INO80: variants seen among roughly 807,000 people sequenced by gnomAD.
INO80 encodes the protein chromatin-remodeling ATPase INO80.
In INO80, 20 loss-of-function variants were observed where a neutral mutation model predicts 203.4. That is an observed-to-expected ratio of 0.10 (90% CI 0.07 to 0.14). The LOEUF is 0.14. Among genes scored for constraint, INO80 ranks in the 10% least tolerant of loss-of-function variants. The probability of loss-of-function intolerance (pLI) is 1.00; values close to 1 mark genes in which losing one functional copy is unlikely to be tolerated. For missense variants in INO80, 1,419 were observed against 1,914.4 expected (o/e 0.74, Z 4.83); for synonymous variants, 726 against 685.2 (o/e 1.06, Z -0.93).
At chr15:41,095,077 G>A (rs1021691326) in intron 4 of INO80, among the ~76,000 whole-genome samples, 5 of 151,232 alleles carry the variant, frequency 3.3e-5, no homozygotes, top group Non-Finnish European at 7.4e-5. Flanking sequence ...GGTGGCTCAC[G>A]CCTATAATCC....
intron 1 of INO80, among the ~76,000 whole-genome samples, chr15:41,098,861 G>T (rs1406888891): frequency 6.6e-6 from 1 of 151,808 alleles, no homozygotes; most frequent in Non-Finnish European, 1.5e-5. Context: ...TACCAACAAA[G>T]ATGTATGACT....
At chr15:41,000,555 T>G (rs1398144939) in intron 28 of INO80, among the ~76,000 whole-genome samples, 1 of 149,356 alleles carries the variant, frequency 6.7e-6, no homozygotes, top group Non-Finnish European at 1.5e-5. Flanking sequence ...ATTAGCTGGG[T>G]GTGGTGGTAC....
intron 24 of INO80, among the ~76,000 whole-genome samples, chr15:41,042,618 C>T (rs574961788): frequency 3.3e-5 from 5 of 151,454 alleles, no homozygotes; most frequent in Non-Finnish European, 5.9e-5. Context: ...GGATTACAGG[C>T]GTGTGCCACC....
At chr15:41,086,607 C>T (rs1183476659) in intron 6 of INO80, among the ~76,000 whole-genome samples, 3 of 150,602 alleles carry the variant, frequency 2.0e-5, no homozygotes, top group African/African-American at 4.9e-5. Flanking sequence ...GCTGAGATCA[C>T]GCCACTGCAC....
rs1478515945 is a variant in INO80, at chr15:41,066,304, G to A, written c.1782+3266C>T. 3.3e-5 allele frequency among the ~76,000 whole-genome samples: 5 copies of A among 151,788 alleles called. No individual in the cohort carries two copies. The East Asian group carries it at 5.8e-4, about 18-fold the overall frequency. On this transcript the variant is annotated intron_variant, in intron 14 of 35. Transcript: ENST00000648947. The stretch of plus-strand genomic sequence containing the variant: ...ATTTTTTTATAAGCTTGGTCTGCAG[G>A]CATGCACTACCATATCCAACTAACT...
intron 24 of INO80, among the ~76,000 whole-genome samples, chr15:41,033,521 T>C (rs932957681): frequency 6.6e-6 from 1 of 152,020 alleles, no homozygotes; most frequent in African/African-American, 2.4e-5. Flanking sequence ...TCACACTCTT[T>C]ATCCACTGCA....
At chr15:41,082,042 G>A (rs1227327872) in intron 7 of INO80, among the ~76,000 whole-genome samples, 1 of 151,892 alleles carries the variant, frequency 6.6e-6, no homozygotes, top group East Asian at 2.0e-4. Context: ...TTGAGGTAAT[G>A]AGTTTGAGAC....
At position 41,103,974 on chromosome 15, in the gene INO80, G is replaced by A. The variant is rs371357577; in HGVS notation, c.-43-7621C>T. 2.0e-5 allele frequency among the ~76,000 whole-genome samples: 3 copies of A among 151,982 alleles called. No homozygotes were observed. In the East Asian group the frequency reaches 5.8e-4, roughly 30 times the overall value. ...CTCACGCCTGTAATCCCAGCACCTT[G>A]GGAGGCCAAGGAAGGCTGATCACCT... On this transcript the variant is annotated intron_variant, in intron 1 of 35. Coordinates refer to ENST00000648947, the MANE Select transcript of INO80 (RefSeq NM_017553.3).
intron 5 of INO80, 134 bp downstream of exon 5, chr15:41,091,892 TC>T: frequency 1.7e-6 from 1 of 600,950 alleles, no homozygotes; most frequent in East Asian, 2.7e-5. Context: ...GACCTCATGA[TC>T]CGCCCGCCTC....
chr15:41,015,739 C>A (rs1290280492), intron 27 of INO80, among the ~76,000 whole-genome samples: 2 of 144,760 alleles, frequency 1.4e-5, no homozygotes, highest in African/African-American at 2.6e-5. Flanking sequence ...AGTTCAAGAC[C>A]AGCCTGGCTA....
At chr15:41,056,511 T>C (rs976943098) in intron 17 of INO80, 111 bp downstream of exon 17, 1 of 798,372 alleles carries the variant, frequency 1.3e-6, no homozygotes, top group Non-Finnish European at 2.0e-6. Context: ...GTGGGGACTA[T>C]AATTTATACA....
Position 41,073,489 on chromosome 15 carries a change from T to C in INO80, c.1334A>G (p.Asn445Ser). ...CTTCAGGGCCTGGGCTTTAAAATGG[T>C]TACTATCTGAAAAGCAAAATTTATG... ...VNITQEDYDSNHFKAQALKNA... is the reference protein window; with the variant it reads ...VNITQEDYDSSHFKAQALKNA... The change falls in exon 11 of 36, where the codon AAC (asparagine) becomes AGC (serine). Residue 445 changes from asparagine to serine, a missense_variant. Physicochemically the swap from Asn to Ser is conservative, Grantham distance 46. Coordinates refer to ENST00000648947, the MANE Select transcript of INO80 (RefSeq NM_017553.3). 1 of 1,613,832 alleles carries C rather than the reference T, an allele frequency of 6.2e-7. No homozygotes were observed.
intron 1 of INO80, among the ~76,000 whole-genome samples, chr15:41,113,801 T>C (rs2045989609): frequency 6.6e-6 from 1 of 152,316 alleles, no homozygotes; most frequent in African/African-American, 2.4e-5. Flanking sequence ...CATTTCCACC[T>C]TGATGTACTC....
At chr15:41,000,706 C>T in intron 28 of INO80, among the ~76,000 whole-genome samples, 1 of 56,814 alleles carries the variant, frequency 1.8e-5, no homozygotes. Context: ...CACCCTGTCT[C>T]AAAAAAAAAA....
intron 23 of INO80, 140 bp from the exon 24 acceptor site, chr15:41,045,215 C>T (rs2044734704): frequency 1.6e-6 from 1 of 621,052 alleles, no homozygotes; most frequent in Admixed American, 3.7e-5. Context: ...TTCCTACTTT[C>T]CTACTTTCAG....
intron 7 of INO80, among the ~76,000 whole-genome samples, chr15:41,083,920 TAACTGTAGAG>T (rs2045522059): frequency 6.6e-6 from 1 of 152,170 alleles, no homozygotes; most frequent in Admixed American, 6.6e-5. Context: ...CATACTTTTT[TAACTGTAGAG>T]GTTTTGTAGC....
At position 41,095,749 on chromosome 15, in the gene INO80, C is replaced by T. The variant is rs751364468; in HGVS notation, c.313+10G>A. ...CGATAGTCCAAAGGGGGATGTCACA[C>T]CACACTGACCTGACTGTAGAACTCC... is the stretch of plus-strand genomic sequence containing the variant. On this transcript the variant is annotated intron_variant, in intron 3 of 35. Coordinates refer to ENST00000648947, the MANE Select transcript of INO80 (RefSeq NM_017553.3). 2 of 1,613,896 alleles carry T rather than the reference C, an allele frequency of 1.2e-6. No homozygotes were observed. Among genetic ancestry groups the T allele is most frequent in the Non-Finnish European group, 1.7e-6 (2 of 1,179,848 alleles).
chr15:41,055,452 A>G (rs892632442), intron 17 of INO80, 88 bp from the exon 18 acceptor site: 3 of 714,408 alleles, frequency 4.2e-6, no homozygotes, highest in African/African-American at 3.5e-5. Flanking sequence ...TTGCAGGTGT[A>G]TTAGTGTGTA....
chr15:41,051,480 A>G (rs2044870012), intron 19 of INO80, among the ~76,000 whole-genome samples: 1 of 150,944 alleles, frequency 6.6e-6, no homozygotes, highest in Admixed American at 6.7e-5. Context: ...GAACCATACT[A>G]GATCTTCAGA....
Sources: allele counts gnomAD v4.1 joint callset (sites outside exome capture counted in the v4.1 genomes callset), GRCh38; gene constraint gnomAD v4.1.1; transcripts MANE v1.5; gene names NCBI Gene and HGNC (gene_info 2026-07-23, HGNC 2026-07-21).